Variants in MACIR observed in about 807,000 individuals in gnomAD.
MACIR encodes UNC119-binding protein C5orf30.
In MACIR, 4 loss-of-function variants were observed where a neutral mutation model predicts 14.3. That is an observed-to-expected ratio of 0.28 (90% CI 0.14 to 0.64). The LOEUF is 0.64. Ranked by LOEUF, MACIR falls within the 30% of genes least tolerant of loss-of-function variation. The probability of loss-of-function intolerance (pLI) is 0.83; values close to 1 mark genes in which losing one functional copy is unlikely to be tolerated. For synonymous variants in MACIR, 101 were observed against 102.4 expected (o/e 0.99, Z 0.08); for missense variants, 228 against 257.6 (o/e 0.89, Z 0.79).
intron 1 of MACIR, among the ~76,000 whole-genome samples, chr5:103,265,005 A>G (rs2288787): frequency 0.3 from 44,838 of 151,846 alleles, 6,622 homozygotes; most frequent in Non-Finnish European, 0.32. Flanking sequence ...AAAACCAACA[A>G]CCAAAGAAAC....
intron 1 of MACIR, among the ~76,000 whole-genome samples, chr5:103,261,701 TC>T (rs1804727881): frequency 2.6e-4 from 30 of 116,122 alleles, no homozygotes; most frequent in South Asian, 4.9e-4. Context: ...TTTCTTTCTT[TC>T]TTCCTTTCTT....
chr5:103,267,760 G>A (rs75811864), intron 2 of MACIR, among the ~76,000 whole-genome samples: 223 of 152,266 alleles, frequency 1.5e-3, no homozygotes, highest in African/African-American at 5.1e-3. Flanking sequence ...TCCTTTTAAA[G>A]TGTACGGTTT....
rs558812426 is a variant in MACIR at position 103,275,014 on chromosome 5, G to A, written c.-23-883G>A. On this transcript the variant is annotated intron_variant, in intron 2 of 2. Transcript: ENST00000319933. The stretch of plus-strand genomic sequence containing the variant: ...AATGGAGATTTCCAAACTATGTAAT[G>A]TAATAATCGTAAGGAACAATATTAC... Among the ~76,000 whole-genome samples the A allele has an allele frequency of 2.0e-5, 3 of 152,212 alleles. No individual in the cohort carries two copies. In the East Asian group the frequency reaches 5.8e-4, roughly 29 times the overall value.
intron 2 of MACIR, among the ~76,000 whole-genome samples, chr5:103,266,243 TC>T (rs1804919050): frequency 6.6e-6 from 1 of 152,186 alleles, no homozygotes; most frequent in Non-Finnish European, 1.5e-5. Flanking sequence ...AAGTTTTCCT[TC>T]CTTTAAATTT....
chr5:103,260,050 C>CGTGTGT (rs70990427), intron 1 of MACIR, among the ~76,000 whole-genome samples: 243 of 138,802 alleles, frequency 1.8e-3, no homozygotes, highest in African/African-American at 3.2e-3. Flanking sequence ...CCAAGATTTC[C>CGTGTGT]GTGTGTGTGT....
intron 1 of MACIR, among the ~76,000 whole-genome samples, chr5:103,260,349 C>G (rs1554236136): frequency 6.6e-6 from 1 of 151,888 alleles, no homozygotes; most frequent in Non-Finnish European, 1.5e-5. Flanking sequence ...TTTATTTTCC[C>G]AGTCATTTCA....
intron 1 of MACIR, among the ~76,000 whole-genome samples, 167 bp from the exon 2 acceptor site, chr5:103,265,741 A>T (rs895243891): frequency 2.6e-5 from 4 of 152,184 alleles, no homozygotes; most frequent in Admixed American, 6.5e-5. Flanking sequence ...ATTTAGGTGA[A>T]CAAACTCAAC....
At chr5:103,267,982 G>A (rs1334260230) in intron 2 of MACIR, among the ~76,000 whole-genome samples, 1 of 152,164 alleles carries the variant, frequency 6.6e-6, no homozygotes, top group Non-Finnish European at 1.5e-5. Context: ...TAGGTGTAAT[G>A]TCTGCTTCTT....
chr5:103,267,540 A>G (rs1804970538), intron 2 of MACIR, among the ~76,000 whole-genome samples: 1 of 152,174 alleles, frequency 6.6e-6, no homozygotes, highest in African/African-American at 2.4e-5. Context: ...GAGCTGCACA[A>G]GGTGAAATGA....
chr5:103,266,273 A>G (rs1298821064), intron 2 of MACIR, among the ~76,000 whole-genome samples: 1 of 152,160 alleles, frequency 6.6e-6, no homozygotes, highest in Non-Finnish European at 1.5e-5. Flanking sequence ...TAAAGATCTT[A>G]TGAAATAATA....
At chr5:103,262,811 T>C (rs1804775915) in intron 1 of MACIR, among the ~76,000 whole-genome samples, 2 of 152,184 alleles carry the variant, frequency 1.3e-5, no homozygotes, top group Admixed American at 1.3e-4. Context: ...TTTACTTCAG[T>C]CTTTGTTTTT....
chr5:103,261,652 T>C (rs1255562568), intron 1 of MACIR, among the ~76,000 whole-genome samples: 2 of 100,692 alleles, frequency 2.0e-5, no homozygotes, highest in Non-Finnish European at 4.1e-5. Context: ...CTTTCTTTCT[T>C]TCTTTCTTTC....
intron 1 of MACIR, among the ~76,000 whole-genome samples, chr5:103,264,387 G>A (rs1345643916): frequency 1.3e-5 from 2 of 152,068 alleles, no homozygotes; most frequent in Non-Finnish European, 2.9e-5. Context: ...TAAGGAAGAT[G>A]CTAAAGAAAT....
At position 103,277,443 on chromosome 5, in the gene MACIR, A is replaced by AGTTT. The variant is rs1554237896; in HGVS notation, c.*904_*907dup. ...TCTGAATTTTCTGTAAGTGAATAAT[A>AGTTT]GTTTAATAGAGGAACTCATGATTTG... On this transcript the variant is annotated 3_prime_UTR_variant, in exon 3 of 3. Coordinates refer to ENST00000319933, the MANE Select transcript of MACIR (RefSeq NM_033211.4). 6.0e-6 allele frequency: 1 copy of AGTTT among 167,094 alleles called. No homozygotes were observed. Among genetic ancestry groups the AGTTT allele is most frequent in the Non-Finnish European group, 1.5e-5 (1 of 68,106 alleles). The allele number at this position is 167,094 out of a possible 1,614,324, so 10.4% of individuals were successfully genotyped here. A position where few individuals can be genotyped will look rare whatever the true frequency, so the allele number is the denominator to read the frequency against.
At position 103,260,354 on chromosome 5, in the gene MACIR, A is replaced by G. The variant is rs552319795; in HGVS notation, c.-114+1458A>G. Among the ~76,000 whole-genome samples the G allele has an allele frequency of 3.2e-4, 48 of 152,126 alleles. 1 individual carries two copies. Among genetic ancestry groups the G allele is most frequent in the Admixed American group, 1.9e-3 (29 of 15,280 alleles). On this transcript the variant is annotated intron_variant, in intron 1 of 2. Transcript: ENST00000319933. ...TTTTGCAAAGTTTATTTTCCCAGTC[A>G]TTTCAAAATATAGTATTGGTTATTA...
chr5:103,266,963 G>C (rs1430865911), intron 2 of MACIR, among the ~76,000 whole-genome samples: 3 of 152,114 alleles, frequency 2.0e-5, no homozygotes. Flanking sequence ...AGAGTAAGAA[G>C]TTTGAAAACC....
At chr5:103,272,779 T>A (rs1354224316) in intron 2 of MACIR, among the ~76,000 whole-genome samples, 5 of 152,206 alleles carry the variant, frequency 3.3e-5, no homozygotes, top group Admixed American at 6.5e-5. Flanking sequence ...GTTTCCAGCG[T>A]TCATGTTCCT....
chr5:103,259,334 G>A (rs774781142), intron 1 of MACIR: 1 of 152,042 alleles, frequency 6.6e-6, no homozygotes, highest in Non-Finnish European at 1.5e-5. Context: ...CGCTGGGGAG[G>A]TGCGGGGACT....
In MACIR at chr5:103,275,996, C is replaced by T. The variant is rs201922818; in HGVS notation, c.77C>T (p.Pro26Leu). ...LPFPGAEANS[P>L]GKAEAEKPRC... is the part of the protein sequence containing the mutation. ...TTCCCTGGGGCTGAGGCCAACTCCC[C>T]GGGAAAGGCGGAGGCAGAGAAGCCC... The change falls in exon 3 of 3, where the codon CCG becomes CTG. Residue 26 changes from proline to leucine, a missense_variant. Coordinates refer to ENST00000319933, the MANE Select transcript of MACIR (RefSeq NM_033211.4). The T allele has an allele frequency of 8.7e-5, 141 of 1,613,922 alleles. No homozygotes were observed. In the Middle Eastern group the frequency reaches 1.6e-3, roughly 19 times the overall value.
Sources: gnomAD v4.1 joint callset for allele counts (sites outside exome capture counted in the v4.1 genomes callset) on GRCh38, gnomAD v4.1.1 for gene constraint, MANE v1.5 for transcripts, NCBI Gene and HGNC (gene_info 2026-07-23, HGNC 2026-07-21) for gene names.